TRPC6: variants seen among roughly 807,000 people sequenced by gnomAD.
The protein encoded by TRPC6 is short transient receptor potential channel 6.
A neutral mutation model predicts 90.7 loss-of-function variants in TRPC6; 55 were observed. That is an observed-to-expected ratio of 0.61 (90% CI 0.49 to 0.76). TRPC6 has a LOEUF of 0.76. Ranked by LOEUF, TRPC6 falls within the 30% of genes least tolerant of loss-of-function variation. TRPC6 has a pLI of 0.00. For synonymous variants in TRPC6, 393 were observed against 393.0 expected, an observed-to-expected ratio of 1.00 and a Z score of 0.00; for missense variants, 989 against 1,122.7, an observed-to-expected ratio of 0.88 and a Z score of 1.70.
rs10590147 is a variant in TRPC6 at position 101,507,006 on chromosome 11, AACACACACACACACAC to A, written c.171-2224_171-2209del. Among the ~76,000 whole-genome samples, 44 of 131,166 alleles carry A rather than the reference AACACACACACACACAC, an allele frequency of 3.4e-4. No homozygotes were observed. The South Asian group carries it at 7.5e-3, about 22-fold the overall frequency. The allele number at this position is 131,166 out of a possible 152,430, so 86.0% of individuals were successfully genotyped here. A position where few individuals can be genotyped will look rare whatever the true frequency, so the allele number is the denominator to read the frequency against. Reference sequence around the variant, plus strand: ...CCTTCACGTATCTCTCTCTCTCTCTAACACACACACACACACACACACACACACACACACACACACA... The same window carrying A: ...CCTTCACGTATCTCTCTCTCTCTCTAACACACACACACACACACACACACA... On this transcript the variant is annotated intron_variant, in intron 1 of 12. Transcript: ENST00000344327.
At chr11:101,479,228 G>A (rs1859491176) in intron 5 of TRPC6, among the ~76,000 whole-genome samples, 1 of 152,222 alleles carries the variant, frequency 6.6e-6, no homozygotes, top group South Asian at 2.1e-4. Context: ...TCGCCATTGG[G>A]TAATTACTGC....
intron 1 of TRPC6, among the ~76,000 whole-genome samples, chr11:101,581,931 A>C (rs532793182): frequency 6.6e-6 from 1 of 152,338 alleles, no homozygotes; most frequent in South Asian, 2.1e-4. Context: ...ACTATGAGAC[A>C]TAAAAATATC....
At chr11:101,474,830 C>T (rs1484985334) in intron 6 of TRPC6, among the ~76,000 whole-genome samples, 2 of 152,130 alleles carry the variant, frequency 1.3e-5, no homozygotes, top group Non-Finnish European at 2.9e-5. Context: ...ATTTCCATCC[C>T]TTAGTCACTT....
intron 10 of TRPC6, among the ~76,000 whole-genome samples, chr11:101,467,121 G>C (rs1010936941): frequency 6.6e-6 from 1 of 152,196 alleles, no homozygotes; most frequent in Non-Finnish European, 1.5e-5. Context: ...CGATCTTGCT[G>C]GGAGCTGCAG....
At chr11:101,523,927 T>G (rs1860717444) in intron 1 of TRPC6, among the ~76,000 whole-genome samples, 1 of 152,228 alleles carries the variant, frequency 6.6e-6, no homozygotes, top group Non-Finnish European at 1.5e-5. Flanking sequence ...GTAAAACATA[T>G]TGTCCCCTGT....
At chr11:101,571,167 CAA>C (rs1861955451) in intron 1 of TRPC6, among the ~76,000 whole-genome samples, 1 of 152,180 alleles carries the variant, frequency 6.6e-6, no homozygotes, top group Admixed American at 6.5e-5. Flanking sequence ...GCAACTTCAG[CAA>C]AGTCTCAGGA....
chr11:101,573,417 C>T (rs1283940622), intron 1 of TRPC6, among the ~76,000 whole-genome samples: 1 of 152,104 alleles, frequency 6.6e-6, no homozygotes, highest in Non-Finnish European at 1.5e-5. Flanking sequence ...ATTATTTTAC[C>T]TTTCTGAACT....
At chr11:101,546,663 T>C (rs1371606288) in intron 1 of TRPC6, among the ~76,000 whole-genome samples, 1 of 152,146 alleles carries the variant, frequency 6.6e-6, no homozygotes, top group East Asian at 1.9e-4. Context: ...ACATGATGTA[T>C]ATAAAGCAAC....
intron 1 of TRPC6, among the ~76,000 whole-genome samples, chr11:101,534,109 T>G (rs1860977828): frequency 6.6e-6 from 1 of 152,158 alleles, no homozygotes; most frequent in African/African-American, 2.4e-5. Flanking sequence ...GGGCCCCGAT[T>G]CCTTCCTCCC....
chr11:101,516,345 C>T (rs1389433164), intron 1 of TRPC6, among the ~76,000 whole-genome samples: 3 of 152,090 alleles, frequency 2.0e-5, no homozygotes, highest in Non-Finnish European at 4.4e-5. Context: ...AAAAGAACTA[C>T]AATTTTAAGA....
chr11:101,515,027 G>T (rs527670862), intron 1 of TRPC6, among the ~76,000 whole-genome samples: 1 of 152,292 alleles, frequency 6.6e-6, no homozygotes, highest in South Asian at 2.1e-4. Flanking sequence ...AATGGAAAGG[G>T]AACAGCATCA....
intron 1 of TRPC6, among the ~76,000 whole-genome samples, chr11:101,552,295 AT>A (rs2136843610): frequency 6.6e-6 from 1 of 152,258 alleles, no homozygotes; most frequent in South Asian, 2.1e-4. Context: ...AAGAGGAGAA[AT>A]CAACGTAACC....
chr11:101,456,738 C>T (rs1858891695), intron 10 of TRPC6, among the ~76,000 whole-genome samples: 1 of 152,078 alleles, frequency 6.6e-6, no homozygotes, highest in Non-Finnish European at 1.5e-5. Context: ...GCACAATCAC[C>T]CCTGGGTGAG....
In TRPC6 at chr11:101,483,154, T is replaced by C. The variant is rs185294174; in HGVS notation, c.1305A>G (p.Ile435Met). Reference sequence around the variant, plus strand: ...CAAACTTCATGAATGGTCCACGCATTATCTTCCCCATCTGCCACAACACAC... The same window carrying C: ...CAAACTTCATGAATGGTCCACGCATCATCTTCCCCATCTGCCACAACACAC... ...WFAPCSKMGK[I>M]MRGPFMKFVA... is the part of the protein sequence containing the mutation. The change falls in exon 5 of 13, where the codon ATA becomes ATG. Residue 435 changes from isoleucine (I) to methionine (M), a missense_variant. Coordinates refer to ENST00000344327, the MANE Select transcript of TRPC6 (RefSeq NM_004621.6). The C allele has an allele frequency of 1.2e-6, 2 of 1,613,980 alleles. No individual in the cohort carries two copies. Among genetic ancestry groups the C allele is most frequent in the East Asian group, 2.2e-5 (1 of 44,874 alleles).
chr11:101,468,641 C>T (rs955245535), intron 10 of TRPC6, among the ~76,000 whole-genome samples: 6 of 152,138 alleles, frequency 3.9e-5, no homozygotes, highest in African/African-American at 1.2e-4. Context: ...GTAAAGCTGT[C>T]CTCTTGAATC....
At chr11:101,565,993 A>G (rs1320821958) in intron 1 of TRPC6, among the ~76,000 whole-genome samples, 1 of 152,140 alleles carries the variant, frequency 6.6e-6, no homozygotes, top group African/African-American at 2.4e-5. Flanking sequence ...AATGCACAGC[A>G]CTCTTTCTTC....
chr11:101,475,238 ACAATT>A, intron 6 of TRPC6, among the ~76,000 whole-genome samples: 1 of 152,300 alleles, frequency 6.6e-6, no homozygotes, highest in South Asian at 2.1e-4. Context: ...AGAGATCCCA[ACAATT>A]CCTTCGTTTT....
chr11:101,509,848 C>T (rs995575494), intron 1 of TRPC6, among the ~76,000 whole-genome samples: 2 of 152,108 alleles, frequency 1.3e-5, no homozygotes, highest in Non-Finnish European at 2.9e-5. Flanking sequence ...GTTTAGCACT[C>T]TGTCAACTAT....
Position 101,479,945 on chromosome 11 carries a change from G to A in TRPC6, c.1510+3004C>T, listed in dbSNP as rs995040313. Among the ~76,000 whole-genome samples the A allele has an allele frequency of 5.3e-5, 8 of 152,304 alleles. No homozygotes were observed. In the South Asian group the frequency reaches 1.2e-3, roughly 24 times the overall value. Reference sequence around the variant, plus strand: ...TGTAATCCCAGCACTTTGGGAGGCCGAGGTGGGCAGATCACCTGAGGTTGG... The same window carrying A: ...TGTAATCCCAGCACTTTGGGAGGCCAAGGTGGGCAGATCACCTGAGGTTGG... On this transcript the variant is annotated intron_variant, in intron 5 of 12. Transcript: ENST00000344327.
Sources: gnomAD v4.1 joint callset for allele counts (sites outside exome capture counted in the v4.1 genomes callset) on GRCh38, gnomAD v4.1.1 for gene constraint, MANE v1.5 for transcripts, NCBI Gene and HGNC (gene_info 2026-07-23, HGNC 2026-07-21) for gene names.